Variants in PI15 observed in about 807,000 individuals in gnomAD.
PI15 encodes the protein peptidase inhibitor 15.
Under a neutral mutation model 31.0 loss-of-function variants are expected in PI15, and 18 were observed. The observed-to-expected ratio is 0.58, with a 90% CI of 0.40 to 0.86. The LOEUF (loss-of-function observed/expected upper bound fraction) is 0.86, where lower values mean the gene tolerates loss of function less well. PI15 is among the 40% of genes least tolerant of loss of function. PI15 has a pLI of 0.00. For missense variants in PI15, 282 were observed against 328.1 expected (o/e 0.86, Z 1.09); for synonymous variants, 118 against 119.1 (o/e 0.99, Z 0.06).
At chr8:74,842,494 T>C (rs1358790004) in intron 2 of PI15, among the ~76,000 whole-genome samples, 1 of 152,156 alleles carries the variant, frequency 6.6e-6, no homozygotes, top group African/African-American at 2.4e-5. Context: ...AACAGGTAAA[T>C]ACTTCACTAA....
intron 2 of PI15, among the ~76,000 whole-genome samples, chr8:74,840,725 C>T (rs1810932667): frequency 6.6e-6 from 1 of 152,126 alleles, no homozygotes; most frequent in Non-Finnish European, 1.5e-5. Flanking sequence ...GTCCTGTCTC[C>T]ATGTGGGAGT....
At chr8:74,845,590 G>A in intron 5 of PI15, 93 bp downstream of exon 5, 2 of 778,342 alleles carry the variant, frequency 2.6e-6, no homozygotes, top group Non-Finnish European at 4.6e-6. Context: ...AGTGAGTAAG[G>A]CTTAGCTATA....
At chr8:74,829,599 A>C (rs765340831) in intron 2 of PI15, among the ~76,000 whole-genome samples, 1 of 152,174 alleles carries the variant, frequency 6.6e-6, no homozygotes, top group Non-Finnish European at 1.5e-5. Flanking sequence ...TCTATGAGAG[A>C]AAGAGATCCA....
chr8:74,827,996 A>AT (rs1810723965), intron 2 of PI15, among the ~76,000 whole-genome samples: 2 of 152,098 alleles, frequency 1.3e-5, no homozygotes, highest in South Asian at 4.1e-4. Context: ...TCACACCTGT[A>AT]TTTGCTAATT....
In PI15 at chr8:74,845,149, G is replaced by T; in HGVS notation, c.414G>T (p.Leu138Phe). The T allele has an allele frequency of 1.2e-6, 2 of 1,612,662 alleles. No homozygotes were observed. The highest frequency in any genetic ancestry group is 1.7e-6 in the Non-Finnish European group (2 of 1,178,772). Residue 138 changes from leucine to phenylalanine, a missense_variant, in exon 4 of 6, where the codon TTG becomes TTT. By Grantham distance (22) the Leu-to-Phe change is conservative (BLOSUM62 0). Coordinates refer to ENST00000260113, the MANE Select transcript of PI15 (RefSeq NM_015886.5). ...GCAGATATCGCTCTATTCTCCAGTTGGTCAAGCCATGGTATGATGAAGTGA... is the reference window on the plus strand; with the variant it reads ...GCAGATATCGCTCTATTCTCCAGTTTGTCAAGCCATGGTATGATGAAGTGA... The part of the protein sequence containing the change: ...RTGRYRSILQ[L>F]VKPWYDEVKD...
intron 5 of PI15, among the ~76,000 whole-genome samples, chr8:74,846,426 G>A (rs1362026715): frequency 7.2e-5 from 11 of 152,048 alleles, no homozygotes; most frequent in African/African-American, 2.2e-4. Flanking sequence ...ACATTTATAC[G>A]AAAATTTTAG....
intron 2 of PI15, among the ~76,000 whole-genome samples, chr8:74,839,189 A>T (rs1207282052): frequency 1.3e-5 from 2 of 152,148 alleles, no homozygotes; most frequent in Non-Finnish European, 2.9e-5. Context: ...GATATGTGTC[A>T]TGTCTTAGTT....
rs1327625453 is a variant in PI15 at position 74,845,216 on chromosome 8, T to C, written c.481T>C (p.Cys161Arg). The C allele has an allele frequency of 1.2e-6, 2 of 1,613,584 alleles. No homozygotes were observed. Among genetic ancestry groups the C allele is most frequent in the African/African-American group, 1.3e-5 (1 of 75,056 alleles). Residue 161 changes from cysteine (C) to arginine (R), a missense_variant, in exon 4 of 6, where the codon TGT becomes CGT. Coordinates refer to ENST00000260113, the MANE Select transcript of PI15 (RefSeq NM_015886.5). ...ATATCCCCAGGATTGCAACCCCAGA[T>C]GTCCTATGAGATGTTTTGGTCCCAT... Reference protein sequence around the residue: ...FPYPQDCNPRCPMRCFGPMCT... With the variant: ...FPYPQDCNPRRPMRCFGPMCT...
intron 2 of PI15, among the ~76,000 whole-genome samples, chr8:74,827,315 C>T (rs961005041): frequency 6.6e-6 from 1 of 152,040 alleles, no homozygotes; most frequent in African/African-American, 2.4e-5. Context: ...GAGGTCAGAG[C>T]GTTCACCACG....
rs931197028 is a variant in PI15, at chr8:74,850,617, A to G, written c.*1364A>G. The G allele has an allele frequency of 1.3e-5, 2 of 152,210 alleles. No individual in the cohort carries two copies. Among genetic ancestry groups the G allele is most frequent in the Non-Finnish European group, 2.9e-5 (2 of 68,018 alleles). 9.4% of individuals were successfully genotyped at this position (152,210 alleles called of 1,614,324 possible). Reference sequence around the variant, plus strand: ...TGATTTTGTTAAAGTAGCCTTCTTCAGATGCTTTTCTAAGGGCTAGTTACC... The same window carrying G: ...TGATTTTGTTAAAGTAGCCTTCTTCGGATGCTTTTCTAAGGGCTAGTTACC... On this transcript the variant is annotated 3_prime_UTR_variant, in exon 6 of 6. Coordinates refer to ENST00000260113, the MANE Select transcript of PI15 (RefSeq NM_015886.5).
At chr8:74,833,355 A>T (rs1310259481) in intron 2 of PI15, among the ~76,000 whole-genome samples, 1 of 152,132 alleles carries the variant, frequency 6.6e-6, no homozygotes, top group Non-Finnish European at 1.5e-5. Context: ...GTTTTAAAAC[A>T]TCTAAAATGT....
In PI15 at chr8:74,853,442, C is replaced by G. The variant is rs752488785; in HGVS notation, c.*4189C>G. 2.0e-5 allele frequency: 3 copies of G among 152,498 alleles called. No homozygotes were observed. The highest frequency in any genetic ancestry group is 4.4e-5 in the Non-Finnish European group (3 of 67,964). The allele number at this position is 152,498 out of a possible 1,614,324, so 9.4% of individuals were successfully genotyped here. On this transcript the variant is annotated 3_prime_UTR_variant, in exon 6 of 6. Coordinates refer to ENST00000260113, the MANE Select transcript of PI15 (RefSeq NM_015886.5). ...CTGTTGTTTTAATTCAACAGTCCAA[C>G]ATTATTTAGGTGTTACAGAGTGTAA...
chr8:74,845,662 G>A (rs1019399796), intron 5 of PI15, among the ~76,000 whole-genome samples, 165 bp downstream of exon 5: 3 of 152,116 alleles, frequency 2.0e-5, no homozygotes, highest in African/African-American at 7.2e-5. Flanking sequence ...TTAGCTGAAA[G>A]GTTACTTCTC....
At chr8:74,839,952 C>T (rs963004160) in intron 2 of PI15, among the ~76,000 whole-genome samples, 6 of 152,184 alleles carry the variant, frequency 3.9e-5, no homozygotes, top group Non-Finnish European at 7.4e-5. Flanking sequence ...TCTGAACTTT[C>T]GTCAGTTGTT....
Position 74,851,643 on chromosome 8 carries a change from T to G in PI15, c.*2390T>G, listed in dbSNP as rs942254290. On this transcript the variant is annotated 3_prime_UTR_variant, in exon 6 of 6. Transcript: ENST00000260113. ...AGCTTCTTAAATGGTGGCTGTAACA[T>G]AATAAATGTTTAATAAATGCTTATA... The G allele has an allele frequency of 2.0e-5, 3 of 152,070 alleles. No homozygotes were observed. Among genetic ancestry groups the G allele is most frequent in the Non-Finnish European group, 4.4e-5 (3 of 67,954 alleles). 9.4% of individuals were successfully genotyped at this position (152,070 alleles called of 1,614,324 possible). A position where few individuals can be genotyped will look rare whatever the true frequency, so the allele number is the denominator to read the frequency against.
intron 2 of PI15, among the ~76,000 whole-genome samples, chr8:74,829,763 TGAA>T (rs1490651015): frequency 1.3e-5 from 2 of 151,976 alleles, no homozygotes; most frequent in Non-Finnish European, 2.9e-5. Context: ...ATGGAGGAGT[TGAA>T]GAAGGGAGCG....
At chr8:74,824,844 G>A (rs1016396286) in intron 1 of PI15, 169 bp downstream of exon 1, 2 of 185,416 alleles carry the variant, frequency 1.1e-5, no homozygotes, top group African/African-American at 2.4e-5. Context: ...GTTGTTACCT[G>A]TGATTCATTT....
At chr8:74,835,386 C>T (rs960320330) in intron 2 of PI15, among the ~76,000 whole-genome samples, 1 of 152,088 alleles carries the variant, frequency 6.6e-6, no homozygotes, top group African/African-American at 2.4e-5. Flanking sequence ...TAGACATCTG[C>T]CTTCTCAAAA....
intron 5 of PI15, among the ~76,000 whole-genome samples, chr8:74,847,421 G>A: frequency 6.6e-6 from 1 of 150,610 alleles, no homozygotes. Context: ...CTCCAGCCTG[G>A]GCAACAAGAG....
Sources: allele counts gnomAD v4.1 joint callset (sites outside exome capture counted in the v4.1 genomes callset), GRCh38; gene constraint gnomAD v4.1.1; transcripts MANE v1.5; gene names NCBI Gene and HGNC (gene_info 2026-07-23, HGNC 2026-07-21).